Variants in ZNF534 observed in about 807,000 individuals in gnomAD.
The protein encoded by ZNF534 is KRAB domain only 3.
A neutral mutation model predicts 13.6 loss-of-function variants in ZNF534; 19 were observed. That is an observed-to-expected ratio of 1.40 (90% confidence interval 0.97 to 2.05). The LOEUF is 2.05. ZNF534 is among the 30% of genes most tolerant of loss of function. ZNF534 has a pLI of 0.00. For missense variants in ZNF534, 782 were observed against 796.3 expected, an observed-to-expected ratio of 0.98 and a Z score of 0.22; for synonymous variants, 244 against 273.8, an observed-to-expected ratio of 0.89 and a Z score of 1.07.
Position 52,429,736 on chromosome 19 carries a change from C to G in ZNF534, c.-68+492C>G, listed in dbSNP as rs540248612. Among the ~76,000 whole-genome samples, 61 of 152,090 alleles carry G rather than the reference C, an allele frequency of 4.0e-4. No individual in the cohort carries two copies. In the Middle Eastern group the frequency reaches 0.01, roughly 26 times the overall value. ...TGGGCCTCCCGAGTAGCTGGGATTA[C>G]AGGCATACGCCACCATGCCTCTCTA... On this transcript the variant is annotated intron_variant, in intron 1 of 4. Coordinates refer to ENST00000433050, the MANE Select transcript of ZNF534 (RefSeq NM_001143938.3).
Position 52,438,103 on chromosome 19 carries a change from A to G in ZNF534, c.643A>G (p.Lys215Glu), listed in dbSNP as rs772159883. The change falls in exon 5 of 5, where the codon AAA becomes GAA. Residue 215 changes from lysine to glutamate, a missense_variant. Around this residue, in one of 5 missense-constraint regions of ZNF534, gnomAD observed 591 missense variants for 574.0 expected, o/e 1.03. Coordinates refer to ENST00000433050, the MANE Select transcript of ZNF534 (RefSeq NM_001143938.3). ...AATCCACATTGCAGATAAAACTTACAAATGTAGTGACTGTGGCGAGATCTT... is the reference window on the plus strand; with the variant it reads ...AATCCACATTGCAGATAAAACTTACGAATGTAGTGACTGTGGCGAGATCTT... ...QVIHIADKTYKCSDCGEIFSS... is the reference protein window; with the variant it reads ...QVIHIADKTYECSDCGEIFSS... 6.2e-7 allele frequency: 1 copy of G among 1,614,156 alleles called. No individual in the cohort carries two copies. The highest frequency in any genetic ancestry group is 1.3e-5 in the African/African-American group (1 of 75,054).
In ZNF534 at chr19:52,439,094, C is replaced by T; in HGVS notation, c.1634C>T (p.Thr545Ile). The T allele has an allele frequency of 1.3e-6, 2 of 1,594,418 alleles. No homozygotes were observed. The highest frequency in any genetic ancestry group is 1.7e-4 in the Middle Eastern group (1 of 6,048). The change falls in exon 5 of 5, where the codon ACT becomes ATT. Residue 545 changes from threonine to isoleucine, a missense_variant. Physicochemically the swap from Thr to Ile is moderately conservative, Grantham distance 89. This residue lies in a region of ZNF534 where 591 missense variants were observed against 574.0 expected (regional missense o/e 1.03). Transcript: ENST00000433050. Reference sequence around the variant, plus strand: ...CTTGTGCGACATAGGAATGTTCATACTGGAGAAAAGCCTTACAGTTGTAAT... The same window carrying T: ...CTTGTGCGACATAGGAATGTTCATATTGGAGAAAAGCCTTACAGTTGTAAT... Reference protein sequence around the residue: ...SHLVRHRNVHTGEKPYSCNEC... With the variant: ...SHLVRHRNVHIGEKPYSCNEC...
Position 52,441,070 on chromosome 19 carries a change from A to G in ZNF534, c.*1624A>G, listed in dbSNP as rs1258262955. ...GCACATGATGCCATCATGCCTGGCT[A>G]ATTTTTTGTATTTTTAGTAGAGACG... On this transcript the variant is annotated 3_prime_UTR_variant, in exon 5 of 5. Coordinates refer to ENST00000433050, the MANE Select transcript of ZNF534 (RefSeq NM_001143938.3). 6.6e-6 allele frequency among the ~76,000 whole-genome samples: 1 copy of G among 152,014 alleles called. No individual in the cohort carries two copies. The highest frequency in any genetic ancestry group is 2.4e-5 in the African/African-American group (1 of 41,412).
At position 52,438,815 on chromosome 19, in the gene ZNF534, C is replaced by T. The variant is rs1408645488; in HGVS notation, c.1355C>T (p.Ser452Phe). ...GGCAAGGTCTTCAGGCACAAGTCTTCCCTAACCTATCACTGTAGAATTCAT... is the reference window on the plus strand; with the variant it reads ...GGCAAGGTCTTCAGGCACAAGTCTTTCCTAACCTATCACTGTAGAATTCAT... ...DCGKVFRHKS[S>F]LTYHCRIHTG... Residue 452 changes from serine to phenylalanine, a missense_variant, in exon 5 of 5, where the codon TCC becomes TTC. Physicochemically the swap from Ser to Phe is radical, Grantham distance 155 (BLOSUM62 -2). This residue lies in a region of ZNF534 where 591 missense variants were observed against 574.0 expected (regional missense o/e 1.03). Coordinates refer to ENST00000433050, the MANE Select transcript of ZNF534 (RefSeq NM_001143938.3). The T allele has an allele frequency of 1.9e-6, 3 of 1,610,480 alleles. No homozygotes were observed. The highest frequency in any genetic ancestry group is 1.1e-5 in the South Asian group (1 of 90,630).
intron 1 of ZNF534, among the ~76,000 whole-genome samples, chr19:52,430,173 G>A (rs987062178): frequency 7.9e-5 from 12 of 151,232 alleles, no homozygotes; most frequent in East Asian, 2.0e-4. Context: ...CCACCACCAC[G>A]GCCGGCTAGT....
intron 4 of ZNF534, among the ~76,000 whole-genome samples, chr19:52,436,315 G>A (rs1324451948): frequency 6.6e-6 from 1 of 152,056 alleles, no homozygotes; most frequent in African/African-American, 2.4e-5. Flanking sequence ...AATACACATA[G>A]ACTTATACAG....
At chr19:52,451,183 A>G (rs1475189998) in intron 4 of ZNF534, 2 of 680,164 alleles carry the variant, frequency 2.9e-6, no homozygotes, top group Non-Finnish European at 5.4e-6. Context: ...TTTTCTACCC[A>G]TAGATTTTTC....
In ZNF534 at chr19:52,432,910, G is replaced by A. The variant is rs896709221; in HGVS notation, c.16-1045G>A. On this transcript the variant is annotated intron_variant, in intron 2 of 4. Transcript: ENST00000433050. ...CTCCCAAAGTGCTGGGATTACAGGT[G>A]TGAGCCACTGCGCCCGGCCCAGATT... Among the ~76,000 whole-genome samples, 12 of 152,016 alleles carry A rather than the reference G, an allele frequency of 7.9e-5. No homozygotes were observed. The East Asian group carries it at 1.7e-3, about 22-fold the overall frequency.
At chr19:52,451,783 C>G (rs866978599) in exon 5 of ZNF534, 12 of 701,846 alleles carry the variant, frequency 1.7e-5, no homozygotes, top group Middle Eastern at 3.2e-4. Flanking sequence ...TGGTGTTGTA[C>G]TCTTTAATTT....
intron 4 of ZNF534, among the ~76,000 whole-genome samples, chr19:52,448,409 A>T (rs1991477): frequency 0.92 from 139,030 of 151,942 alleles, 63,956 homozygotes; most frequent in Non-Finnish European, 0.96. Flanking sequence ...AAAAAAAAAA[A>T]TTATTTTTTA....
chr19:52,433,546 T>G (rs911537550), intron 2 of ZNF534, among the ~76,000 whole-genome samples: 6 of 152,134 alleles, frequency 3.9e-5, no homozygotes, highest in Admixed American at 6.5e-5. Context: ...TTTTGTATTT[T>G]TAGTAGAGAT....
At position 52,434,062 on chromosome 19, in the gene ZNF534, C is replaced by T; in HGVS notation, c.123C>T (p.Tyr41=). The change falls in exon 3 of 5, where the codon TAC becomes TAT. Residue 41 remains tyrosine, a synonymous_variant. Coordinates refer to ENST00000433050, the MANE Select transcript of ZNF534 (RefSeq NM_001143938.3). ...ALYRDVMLEN[Y]RNLVSLGICL... ...ACAGGGACGTGATGTTAGAGAACTA[C>T]AGGAACCTGGTCTCCCTAGGTGAGG... 2 of 1,614,094 alleles carry T rather than the reference C, an allele frequency of 1.2e-6. No homozygotes were observed. Among genetic ancestry groups the T allele is most frequent in the Non-Finnish European group, 1.7e-6 (2 of 1,180,018 alleles).
chr19:52,439,918 ATTAGC>A lies in ZNF534; in HGVS notation c.*474_*478del, dbSNP rs2059161306. Among the ~76,000 whole-genome samples, 1 of 151,326 alleles carries A rather than the reference ATTAGC, an allele frequency of 6.6e-6. No homozygotes were observed. The highest frequency in any genetic ancestry group is 2.1e-4 in the South Asian group (1 of 4,800). On this transcript the variant is annotated 3_prime_UTR_variant, in exon 5 of 5. Coordinates refer to ENST00000433050, the MANE Select transcript of ZNF534 (RefSeq NM_001143938.3). ...ACCCCATCTCTACTAAAAATACAAA[ATTAGC>A]TGACTGAGGTGGCAGGCACTTGTGA...
chr19:52,435,023 T>C (rs1378906318), intron 3 of ZNF534, 58 bp from the exon 4 acceptor site: 3 of 1,561,226 alleles, frequency 1.9e-6, no homozygotes, highest in Non-Finnish European at 1.7e-6. Context: ...TACCTAAATA[T>C]AGGGCTTGGA....
At chr19:52,430,467 A>G (rs73588007) in intron 1 of ZNF534, among the ~76,000 whole-genome samples, 23,886 of 152,100 alleles carry the variant, frequency 0.16, 2,608 homozygotes, top group African/African-American at 0.31. Context: ...ACTATAGTCT[A>G]TATCTAGAAT....
At chr19:52,451,727 T>C (rs182700734) in exon 5 of ZNF534, 2 of 684,026 alleles carry the variant, frequency 2.9e-6, no homozygotes, top group East Asian at 2.5e-5. Flanking sequence ...AAACACTTTG[T>C]TGATGTAGGA....
chr19:52,431,308 C>A (rs1332180381), intron 1 of ZNF534, 100 bp from the exon 2 acceptor site: 3 of 866,248 alleles, frequency 3.5e-6, no homozygotes, highest in African/African-American at 1.7e-5. Context: ...AGCAGAGGAC[C>A]ATCCTTCCAG....
At chr19:52,444,438 A>C (rs1171469163), downstream of ZNF534, among the ~76,000 whole-genome samples, 1 of 152,036 alleles carries the variant, frequency 6.6e-6, no homozygotes, top group Non-Finnish European at 1.5e-5. Context: ...GAGGGTCCTG[A>C]GTTTTGGTTG....
Position 52,441,518 on chromosome 19 carries a change from A to T in ZNF534, c.*2072A>T, listed in dbSNP as rs137985587. ...TGACAGAGTGAGACCCTATCTACAA[A>T]TATAAACAAACAATGTGAAACGTCT... On this transcript the variant is annotated 3_prime_UTR_variant, in exon 5 of 5. Transcript: ENST00000433050. Among the ~76,000 whole-genome samples the T allele has an allele frequency of 3.6e-4, 55 of 152,240 alleles. No individual in the cohort carries two copies. The East Asian group carries it at 0.01, about 28-fold the overall frequency.
Sources: allele counts gnomAD v4.1 joint callset (sites outside exome capture counted in the v4.1 genomes callset), GRCh38; gene constraint gnomAD v4.1.1; regional missense constraint gnomAD v4.1.1; transcripts MANE v1.5; gene names NCBI Gene and HGNC (gene_info 2026-07-23, HGNC 2026-07-21).